The following EFNA5 variants were observed in gnomAD, a reference collection of about 807,000 sequenced individuals.
EFNA5 encodes the protein ephrin-A5.
A neutral mutation model predicts 22.9 loss-of-function variants in EFNA5; 5 were observed. That is an observed-to-expected ratio of 0.22 (90% CI 0.11 to 0.46). The LOEUF (loss-of-function observed/expected upper bound fraction) is 0.46. Among genes scored for constraint, EFNA5 ranks in the 20% least tolerant of loss-of-function variants. The pLI, the probability that EFNA5 is intolerant of heterozygous loss-of-function variation, is 0.99. For synonymous variants in EFNA5, 113 were observed against 112.2 expected (o/e 1.01, Z -0.04); for missense variants, 237 against 293.3 (o/e 0.81, Z 1.40).
At chr5:107,412,398 T>A (rs1374059265) in intron 2 of EFNA5, among the ~76,000 whole-genome samples, 1 of 152,198 alleles carries the variant, frequency 6.6e-6, no homozygotes, top group Non-Finnish European at 1.5e-5. Context: ...AGAGAAAATG[T>A]CTTCCAGAAA....
At chr5:107,589,436 C>T (rs568650378) in intron 1 of EFNA5, among the ~76,000 whole-genome samples, 1 of 151,980 alleles carries the variant, frequency 6.6e-6, no homozygotes, top group African/African-American at 2.4e-5. Flanking sequence ...GTGAATTAAG[C>T]GGCTTCCAAA....
At chr5:107,482,866 CTCTCTATATA>C (rs752435989) in intron 1 of EFNA5, among the ~76,000 whole-genome samples, 981 of 43,240 alleles carry the variant, frequency 0.023, 7 homozygotes, top group South Asian at 0.059. Context: ...CTCTCTCTCT[CTCTCTATATA>C]TATATATATA....
chr5:107,641,564 T>G (rs1750512701), intron 1 of EFNA5, among the ~76,000 whole-genome samples: 1 of 152,170 alleles, frequency 6.6e-6, no homozygotes. Context: ...TAGTAAATAA[T>G]AGACAGTTCA....
intron 1 of EFNA5, among the ~76,000 whole-genome samples, chr5:107,467,820 G>A (rs984871010): frequency 1.5e-4 from 23 of 152,190 alleles, no homozygotes; most frequent in African/African-American, 5.5e-4. Flanking sequence ...AAAGAGACCA[G>A]TGACCCACTG....
chr5:107,585,871 T>C (rs1294541767), intron 1 of EFNA5, among the ~76,000 whole-genome samples: 1 of 152,206 alleles, frequency 6.6e-6, no homozygotes, highest in Non-Finnish European at 1.5e-5. Flanking sequence ...AGATATTATA[T>C]GGTATAAAGT....
intron 1 of EFNA5, among the ~76,000 whole-genome samples, chr5:107,639,301 C>T (rs1750452312): frequency 6.6e-6 from 1 of 152,178 alleles, no homozygotes. Flanking sequence ...TGACATATAC[C>T]TGCTTAAACA....
At chr5:107,458,346 C>T (rs552428288) in intron 1 of EFNA5, among the ~76,000 whole-genome samples, 51 of 152,106 alleles carry the variant, frequency 3.4e-4, no homozygotes, top group East Asian at 3.9e-4. Context: ...TCAAAGATTT[C>T]GGCCTGGTCA....
At chr5:107,440,746 A>G (rs1749234834) in intron 1 of EFNA5, among the ~76,000 whole-genome samples, 1 of 152,188 alleles carries the variant, frequency 6.6e-6, no homozygotes, top group Admixed American at 6.6e-5. Context: ...GTTTTTGGTC[A>G]CAAACTCAGT....
intron 1 of EFNA5, among the ~76,000 whole-genome samples, chr5:107,620,087 C>T (rs989980920): frequency 6.6e-6 from 1 of 152,208 alleles, no homozygotes; most frequent in African/African-American, 2.4e-5. Flanking sequence ...TCAGACACTT[C>T]CTTCCAAGCC....
intron 1 of EFNA5, among the ~76,000 whole-genome samples, chr5:107,579,618 G>A (rs1009356131): frequency 9.9e-5 from 13 of 130,776 alleles, no homozygotes; most frequent in Admixed American, 9.5e-4. Context: ...ACAGTTAATA[G>A]TATTATAGTC....
intron 1 of EFNA5, among the ~76,000 whole-genome samples, chr5:107,500,130 G>C (rs981303447): frequency 6.6e-6 from 1 of 152,110 alleles, no homozygotes; most frequent in Admixed American, 6.5e-5. Context: ...GCCACTCTTG[G>C]ATAGTGTCAA....
intron 1 of EFNA5, among the ~76,000 whole-genome samples, chr5:107,568,455 A>G: frequency 6.6e-6 from 1 of 152,216 alleles, no homozygotes; most frequent in East Asian, 1.9e-4. Context: ...GTGGAGGGGA[A>G]GCAATGGTGA....
At chr5:107,606,039 A>C (rs1749706046) in intron 1 of EFNA5, among the ~76,000 whole-genome samples, 1 of 152,232 alleles carries the variant, frequency 6.6e-6, no homozygotes, top group South Asian at 2.1e-4. Context: ...ACACTTGTGA[A>C]TAGCACTCAA....
At position 107,618,128 on chromosome 5, in the gene EFNA5, A is replaced by C. The variant is rs536236160; in HGVS notation, c.125+52361T>G. On this transcript the variant is annotated intron_variant, in intron 1 of 4. Coordinates refer to ENST00000333274, the MANE Select transcript of EFNA5 (RefSeq NM_001962.3). ...ATGTACCATGCCCATTCTTGGTACA[A>C]TATCTTTATGTGCATAGTATATATG... is the stretch of plus-strand genomic sequence containing the variant. Among the ~76,000 whole-genome samples, 4 of 152,352 alleles carry C rather than the reference A, an allele frequency of 2.6e-5. No individual in the cohort carries two copies. In the South Asian group the frequency reaches 8.3e-4, roughly 32 times the overall value.
chr5:107,450,095 A>T (rs1170377807), intron 1 of EFNA5, among the ~76,000 whole-genome samples: 1 of 152,200 alleles, frequency 6.6e-6, no homozygotes, highest in African/African-American at 2.4e-5. Context: ...ATTTGTATTA[A>T]CGACGGCAGA....
At chr5:107,569,228 C>T (rs1203933524) in intron 1 of EFNA5, among the ~76,000 whole-genome samples, 2 of 151,606 alleles carry the variant, frequency 1.3e-5, no homozygotes, top group African/African-American at 4.8e-5. Flanking sequence ...CTTTCCCAGC[C>T]CTCTAGGAAG....
chr5:107,542,556 G>T (rs73198615), intron 1 of EFNA5, among the ~76,000 whole-genome samples: 3 of 151,646 alleles, frequency 2.0e-5, no homozygotes, highest in African/African-American at 7.3e-5. Flanking sequence ...GTGGTATAAG[G>T]GGGGGGTGCG....
chr5:107,664,342 T>C lies in EFNA5; in HGVS notation c.125+6147A>G, dbSNP rs577386013. ...CTGTGTCATTGTGCTCCTTTATGAC[T>C]GACTAAATTTTGAAAACATAAATGC... On this transcript the variant is annotated intron_variant, in intron 1 of 4. Transcript: ENST00000333274. Among the ~76,000 whole-genome samples the C allele has an allele frequency of 8.7e-3, 701 of 80,132 alleles. 3 individuals are homozygous for C. The highest frequency in any genetic ancestry group is 0.028 in the African/African-American group (607 of 21,554). The allele number at this position is 80,132 out of a possible 152,430, so 52.6% of individuals were successfully genotyped here.
intron 1 of EFNA5, among the ~76,000 whole-genome samples, chr5:107,437,171 T>C (rs1008515790): frequency 1.3e-5 from 2 of 152,162 alleles, no homozygotes; most frequent in African/African-American, 4.8e-5. Flanking sequence ...AAGAAATAAA[T>C]TGGAAGAAAG....
Sources: allele counts gnomAD v4.1 joint callset (sites outside exome capture counted in the v4.1 genomes callset), GRCh38; gene constraint gnomAD v4.1.1; transcripts MANE v1.5; gene names NCBI Gene and HGNC (gene_info 2026-07-23, HGNC 2026-07-21).